GET3: variants seen among roughly 807,000 people sequenced by gnomAD.
GET3 encodes the protein ATPase GET3.
Under a neutral mutation model 32.4 loss-of-function variants are expected in GET3, and 15 were observed. The ratio of observed to expected loss-of-function variants is 0.46; its 90% CI spans 0.31 to 0.71. The LOEUF (loss-of-function observed/expected upper bound fraction) is 0.71, where lower values mean the gene tolerates loss of function less well. GET3 is among the 30% of genes least tolerant of loss of function. The pLI, the probability that GET3 is intolerant of heterozygous loss-of-function variation, is 0.05. For synonymous variants in GET3, 198 were observed against 185.6 expected, an observed-to-expected ratio of 1.07 and a Z score of -0.54; for missense variants, 333 against 459.0, an observed-to-expected ratio of 0.73 and a Z score of 2.51.
chr19:12,737,760 A>T, intron 1 of GET3, 94 bp downstream of exon 1: 1 of 1,457,538 alleles, frequency 6.9e-7, no homozygotes, highest in Non-Finnish European at 9.0e-7. Flanking sequence ...CGACCGGGGC[A>T]TGGGGGCTGG....
Position 12,747,287 on chromosome 19 carries a change from G to A in GET3, c.700G>A (p.Glu234Lys), listed in dbSNP as rs372397464. ...ETLPVIRSVSEQFKDPEQTTF... is the reference protein window; with the variant it reads ...ETLPVIRSVSKQFKDPEQTTF... ...GCTGCCCGTCATCCGCTCAGTCAGC[G>A]AACAGTTCAAGGACCCTGTGAGTGG... Residue 234 changes from glutamate (E) to lysine (K), a missense_variant, in exon 5 of 7, where the codon GAA becomes AAA. Physicochemically the swap from Glu to Lys is moderately conservative, Grantham distance 56 (BLOSUM62 1). Around this residue, in one of 3 missense-constraint regions of GET3, gnomAD observed 230 missense variants for 389.2 expected, o/e 0.59. Coordinates refer to ENST00000357332, the MANE Select transcript of GET3 (RefSeq NM_004317.4). This position sits in a 1 kb window ranked among gnomAD's most constrained non-coding sequence, Gnocchi z 4.0. 1.6e-5 allele frequency: 26 copies of A among 1,611,668 alleles called. No individual in the cohort carries two copies. The highest frequency in any genetic ancestry group is 2.1e-5 in the Non-Finnish European group (25 of 1,178,644).
Position 12,745,780 on chromosome 19 carries a change from C to A in GET3, c.609+21C>A. On this transcript the variant is annotated intron_variant, in intron 4 of 6. Coordinates refer to ENST00000357332, the MANE Select transcript of GET3 (RefSeq NM_004317.4). The surrounding 1 kb of genome is among the most constrained non-coding windows in gnomAD (Gnocchi z 5.0). ...CACAGGCAGGCGGCGGGGGCCCCCA[C>A]CTGCACCATCCAGGCAGCCGGGAGT... 1 of 1,583,292 alleles carries A rather than the reference C, an allele frequency of 6.3e-7. No homozygotes were observed. The highest frequency in any genetic ancestry group is 8.6e-7 in the Non-Finnish European group (1 of 1,166,020).
chr19:12,742,315 T>A (rs1279069910), intron 2 of GET3, among the ~76,000 whole-genome samples: 1 of 149,544 alleles, frequency 6.7e-6, no homozygotes, highest in African/African-American at 2.5e-5. Context: ...CACTGCAACC[T>A]CTACCTCCTG....
At chr19:12,742,852 G>A (rs530977104) in intron 2 of GET3, among the ~76,000 whole-genome samples, 4 of 152,028 alleles carry the variant, frequency 2.6e-5, no homozygotes, top group African/African-American at 9.6e-5. Flanking sequence ...CGGCCAAGAC[G>A]CTATCTCTAA....
chr19:12,745,135 G>T lies in GET3; in HGVS notation c.310-242G>T, dbSNP rs1170386039. ...CAGTGGGTTTCAGCTTCCCTTTGAGGGCCCTGGGCACAGCTTGCAATTTTC... is the reference window on the plus strand; with the variant it reads ...CAGTGGGTTTCAGCTTCCCTTTGAGTGCCCTGGGCACAGCTTGCAATTTTC... On this transcript the variant is annotated intron_variant, in intron 2 of 6. Transcript: ENST00000357332. This position sits in a 1 kb window ranked among gnomAD's most constrained non-coding sequence, Gnocchi z 5.0. 6.6e-6 allele frequency among the ~76,000 whole-genome samples: 1 copy of T among 152,014 alleles called. No individual in the cohort carries two copies. The highest frequency in any genetic ancestry group is 1.5e-5 in the Non-Finnish European group (1 of 67,986).
At chr19:12,743,074 T>A (rs990507871) in intron 2 of GET3, among the ~76,000 whole-genome samples, 13 of 152,142 alleles carry the variant, frequency 8.5e-5, no homozygotes, top group African/African-American at 3.1e-4. Flanking sequence ...GGTGCAGTGA[T>A]GAGTGGGCAA....
chr19:12,744,348 C>G (rs968246627), intron 2 of GET3, among the ~76,000 whole-genome samples: 1 of 151,944 alleles, frequency 6.6e-6, no homozygotes, highest in Non-Finnish European at 1.5e-5. Context: ...GAGACAGAGT[C>G]TCCCTCTGTC....
Position 12,747,848 on chromosome 19 carries a change from C to A in GET3, c.916-125C>A. On this transcript the variant is annotated intron_variant, in intron 6 of 6. Transcript: ENST00000357332. This position sits in a 1 kb window ranked among gnomAD's most constrained non-coding sequence, Gnocchi z 4.0. Reference sequence around the variant, plus strand: ...CAGCTCCCACTTATGACACCTTAAGCTCCTGCCCTATATTCTCTCCCTGAC... The same window carrying A: ...CAGCTCCCACTTATGACACCTTAAGATCCTGCCCTATATTCTCTCCCTGAC... 9.0e-7 allele frequency: 1 copy of A among 1,110,652 alleles called. No homozygotes were observed. The highest frequency in any genetic ancestry group is 1.5e-5 in the South Asian group (1 of 67,660). The allele number at this position is 1,110,652 out of a possible 1,614,324, so 68.8% of individuals were successfully genotyped here.
rs1361528140 is a variant in GET3 at position 12,744,220 on chromosome 19, A to G, written c.310-1157A>G. On this transcript the variant is annotated intron_variant, in intron 2 of 6. Transcript: ENST00000357332. ...AACAAGATCAAAACTCCATCTCGGG[A>G]AAAAAAAAAAAAAAAGAGGGAGGCA... Among the ~76,000 whole-genome samples, 41 of 105,556 alleles carry G rather than the reference A, an allele frequency of 3.9e-4. 1 individual carries two copies. The highest frequency in any genetic ancestry group is 2.1e-3 in the African/African-American group (22 of 10,330). The allele number at this position is 105,556 out of a possible 152,430, so 69.2% of individuals were successfully genotyped here.
Position 12,747,142 on chromosome 19 carries a change from C to T in GET3, c.610-55C>T, listed in dbSNP as rs1490682219. The T allele has an allele frequency of 1.3e-6, 2 of 1,493,156 alleles. No individual in the cohort carries two copies. Among genetic ancestry groups the T allele is most frequent in the East Asian group, 4.6e-5 (2 of 43,898 alleles). 92.5% of individuals were successfully genotyped at this position (1,493,156 alleles called of 1,614,324 possible). On this transcript the variant is annotated intron_variant, in intron 4 of 6. Transcript: ENST00000357332. This position sits in a 1 kb window ranked among gnomAD's most constrained non-coding sequence, Gnocchi z 4.0. ...ATCCCTCGGGTGTTTAGTGAACCCCCAACCCAGGAGGTCGCCGCAGGTAAG... is the reference window on the plus strand; with the variant it reads ...ATCCCTCGGGTGTTTAGTGAACCCCTAACCCAGGAGGTCGCCGCAGGTAAG...
At chr19:12,740,545 C>T (rs901788812) in intron 2 of GET3, among the ~76,000 whole-genome samples, 1 of 151,478 alleles carries the variant, frequency 6.6e-6, no homozygotes, top group East Asian at 1.9e-4. Flanking sequence ...GGTATGGTGG[C>T]GGGCACCTGT....
At chr19:12,740,728 G>C (rs1037346449) in intron 2 of GET3, among the ~76,000 whole-genome samples, 4 of 152,186 alleles carry the variant, frequency 2.6e-5, no homozygotes, top group Admixed American at 6.5e-5. Flanking sequence ...GAGTGAGGAT[G>C]CTGGCAGAGG....
In GET3 at chr19:12,745,831, C is replaced by T. The variant is rs1967762337; in HGVS notation, c.609+72C>T. On this transcript the variant is annotated intron_variant, in intron 4 of 6. Transcript: ENST00000357332. This position sits in a 1 kb window ranked among gnomAD's most constrained non-coding sequence, Gnocchi z 5.0. ...GGGAGTAGGCCCGGGCCCCCAGACC[C>T]TCAAATGCGCACTAACAATTCCCTT... The T allele has an allele frequency of 1.3e-6, 2 of 1,513,178 alleles. No homozygotes were observed. The highest frequency in any genetic ancestry group is 1.8e-6 in the Non-Finnish European group (2 of 1,132,374). 93.7% of individuals were successfully genotyped at this position (1,513,178 alleles called of 1,614,324 possible). A position where few individuals can be genotyped will look rare whatever the true frequency, so the allele number is the denominator to read the frequency against.
chr19:12,745,025 C>A lies in GET3; in HGVS notation c.310-352C>A, dbSNP rs575748686. ...GTCTCTCAGTGGAGGGATGATGATCCGGAAGAGGTCATGGCCCAGTCATGG... is the reference window on the plus strand; with the variant it reads ...GTCTCTCAGTGGAGGGATGATGATCAGGAAGAGGTCATGGCCCAGTCATGG... On this transcript the variant is annotated intron_variant, in intron 2 of 6. Transcript: ENST00000357332. This position sits in a 1 kb window ranked among gnomAD's most constrained non-coding sequence, Gnocchi z 5.0. Among the ~76,000 whole-genome samples the A allele has an allele frequency of 6.6e-6, 1 of 151,944 alleles. No individual in the cohort carries two copies. The highest frequency in any genetic ancestry group is 1.5e-5 in the Non-Finnish European group (1 of 67,972).
chr19:12,742,414 G>T (rs1037913601), intron 2 of GET3, among the ~76,000 whole-genome samples: 1 of 150,388 alleles, frequency 6.6e-6, no homozygotes, highest in Non-Finnish European at 1.5e-5. Flanking sequence ...GTTTTGGGGG[G>T]GTTTTTTTTG....
At chr19:12,746,220 C>T (rs773077931) in intron 4 of GET3, among the ~76,000 whole-genome samples, 7 of 152,190 alleles carry the variant, frequency 4.6e-5, no homozygotes, top group African/African-American at 7.2e-5. Context: ...GCAACCTCCA[C>T]CTCGTGGGTT....
At position 12,745,272 on chromosome 19, in the gene GET3, T is replaced by C. The variant is rs1413501543; in HGVS notation, c.310-105T>C. 6.4e-6 allele frequency: 9 copies of C among 1,402,472 alleles called. No homozygotes were observed. In the African/African-American group the frequency reaches 1.1e-4, roughly 18 times the overall value. The allele number at this position is 1,402,472 out of a possible 1,614,324, so 86.9% of individuals were successfully genotyped here. On this transcript the variant is annotated intron_variant, in intron 2 of 6. Transcript: ENST00000357332. The surrounding 1 kb of genome is among the most constrained non-coding windows in gnomAD (Gnocchi z 5.0). ...TGGTCACAGCCCACCACAGGCTCCC[T>C]CTGGCCCTGTGCCCGGGTAGGAAGG...
chr19:12,737,442 G>C, upstream of GET3: 2 of 1,397,704 alleles, frequency 1.4e-6, no homozygotes, highest in East Asian at 2.9e-5. Flanking sequence ...GAATGTGATA[G>C]AGAATTTCCC....
chr19:12,741,300 C>T (rs1460238550), intron 2 of GET3, among the ~76,000 whole-genome samples: 1 of 151,102 alleles, frequency 6.6e-6, no homozygotes, highest in Non-Finnish European at 1.5e-5. Context: ...ACTAAAAATA[C>T]AAAAAGTTAG....
Sources: allele counts gnomAD v4.1 joint callset (sites outside exome capture counted in the v4.1 genomes callset), GRCh38; gene constraint gnomAD v4.1.1; regional missense constraint gnomAD v4.1.1; non-coding constraint Gnocchi (gnomAD v3.1); transcripts MANE v1.5; gene names NCBI Gene and HGNC (gene_info 2026-07-23, HGNC 2026-07-21).